Variants in SUSD6 observed in about 807,000 individuals in gnomAD.
The protein encoded by SUSD6 is sushi domain containing 6, also known as sushi domain-containing protein 6.
A neutral mutation model predicts 28.4 loss-of-function variants in SUSD6; 16 were observed. That is an observed-to-expected ratio of 0.56 (90% CI 0.38 to 0.86). The LOEUF (loss-of-function observed/expected upper bound fraction) is 0.86, where lower values mean the gene tolerates loss of function less well. SUSD6 is among the 40% of genes least tolerant of loss of function. The probability of loss-of-function intolerance (pLI) is 0.00; values close to 1 mark genes in which losing one functional copy is unlikely to be tolerated. For missense variants in SUSD6, 341 were observed against 384.2 expected (o/e 0.89, Z 0.94); for synonymous variants, 147 against 159.6 (o/e 0.92, Z 0.59).
rs140130465 is a variant in SUSD6 at position 69,619,399 on chromosome 14, G to A, written c.-81+7571G>A. Among the ~76,000 whole-genome samples, 847 of 152,146 alleles carry A rather than the reference G, an allele frequency of 5.6e-3. 10 individuals are homozygous for A. Among genetic ancestry groups the A allele is most frequent in the African/African-American group, 0.019 (796 of 41,484 alleles). On this transcript the variant is annotated intron_variant, in intron 1 of 5. Coordinates refer to ENST00000342745, the MANE Select transcript of SUSD6 (RefSeq NM_014734.4). Reference sequence around the variant, plus strand: ...AAACTTGCTTTCACTTTAAAAAATCGGTGTAGTTGTGTTTAGGCTGTGCCT... The same window carrying A: ...AAACTTGCTTTCACTTTAAAAAATCAGTGTAGTTGTGTTTAGGCTGTGCCT...
chr14:69,648,755 C>A (rs978348230), intron 1 of SUSD6, among the ~76,000 whole-genome samples: 4 of 152,160 alleles, frequency 2.6e-5, no homozygotes, highest in Non-Finnish European at 5.9e-5. Context: ...TCCTGCATAG[C>A]TGTAAGTACT....
intron 2 of SUSD6, 96 bp from the exon 3 acceptor site, chr14:69,703,299 G>C: frequency 2.1e-6 from 2 of 948,096 alleles, no homozygotes; most frequent in Non-Finnish European, 3.2e-6. Flanking sequence ...TCCTCCTCCT[G>C]TGTTTCCTGT....
chr14:69,656,234 C>T (rs1462090471), intron 1 of SUSD6, among the ~76,000 whole-genome samples: 1 of 151,608 alleles, frequency 6.6e-6, no homozygotes, highest in Non-Finnish European at 1.5e-5. Flanking sequence ...GCATCACCTC[C>T]TCTAGGCAGT....
chr14:69,703,745 T>G (rs916947007), intron 3 of SUSD6, 153 bp downstream of exon 3: 5 of 679,958 alleles, frequency 7.4e-6, no homozygotes, highest in African/African-American at 7.2e-5. Flanking sequence ...GGTCTTCATG[T>G]CTTTGTGGAA....
intron 2 of SUSD6, among the ~76,000 whole-genome samples, chr14:69,685,277 G>A (rs1049227417): frequency 1.3e-5 from 2 of 152,206 alleles, no homozygotes; most frequent in African/African-American, 4.8e-5. Context: ...GAGCCATGAG[G>A]CACATTGATT....
At chr14:69,678,182 A>T (rs1885942441) in intron 2 of SUSD6, among the ~76,000 whole-genome samples, 1 of 152,120 alleles carries the variant, frequency 6.6e-6, no homozygotes, top group Non-Finnish European at 1.5e-5. Flanking sequence ...TTGGGAAAAA[A>T]AAAAAGTATG....
chr14:69,618,345 T>C (rs1884988792), intron 1 of SUSD6, among the ~76,000 whole-genome samples: 1 of 152,222 alleles, frequency 6.6e-6, no homozygotes, highest in Non-Finnish European at 1.5e-5. Flanking sequence ...TATACAAATA[T>C]TCGAAAATCT....
intron 2 of SUSD6, chr14:69,670,590 G>A: frequency 2.2e-6 from 1 of 446,682 alleles, no homozygotes; most frequent in South Asian, 1.6e-5. Context: ...ACGCTGGTTT[G>A]AATCCTAGTT....
intron 1 of SUSD6, among the ~76,000 whole-genome samples, chr14:69,615,163 G>T (rs1884940833): frequency 6.6e-6 from 1 of 152,190 alleles, no homozygotes. Context: ...TTGAGGATTA[G>T]GACATTTGGT....
chr14:69,654,992 A>G (rs1885560468), intron 1 of SUSD6, among the ~76,000 whole-genome samples: 1 of 151,642 alleles, frequency 6.6e-6, no homozygotes, highest in Non-Finnish European at 1.5e-5. Flanking sequence ...ACGGGGTTTC[A>G]CCGTTTTGGC....
intron 5 of SUSD6, among the ~76,000 whole-genome samples, chr14:69,710,405 G>C (rs1886446389): frequency 6.6e-6 from 1 of 152,198 alleles, no homozygotes; most frequent in South Asian, 2.1e-4. Context: ...AGAAATAATA[G>C]AACCAGGAAT....
chr14:69,677,812 T>C (rs1181050808), intron 2 of SUSD6, among the ~76,000 whole-genome samples: 2 of 152,338 alleles, frequency 1.3e-5, no homozygotes, highest in East Asian at 3.9e-4. Flanking sequence ...CCAAATACCC[T>C]GTTAAGAAGT....
At chr14:69,658,814 T>G in intron 2 of SUSD6, 101 bp downstream of exon 2, 1 of 1,505,662 alleles carries the variant, frequency 6.6e-7, no homozygotes, top group Non-Finnish European at 9.2e-7. Context: ...GCAGGCGGTT[T>G]CAGGGAGAGC....
intron 2 of SUSD6, among the ~76,000 whole-genome samples, chr14:69,660,541 G>T (rs967514768): frequency 5.9e-5 from 9 of 152,230 alleles, no homozygotes; most frequent in African/African-American, 2.2e-4. Context: ...CTTTCATAGG[G>T]TCACCCCAAA....
chr14:69,659,126 T>C (rs1885626948), intron 2 of SUSD6, among the ~76,000 whole-genome samples: 1 of 152,224 alleles, frequency 6.6e-6, no homozygotes, highest in South Asian at 2.1e-4. Flanking sequence ...AGCTGCAGAA[T>C]GGGATAATAA....
At chr14:69,666,146 A>C (rs893434224) in intron 2 of SUSD6, among the ~76,000 whole-genome samples, 2 of 152,190 alleles carry the variant, frequency 1.3e-5, no homozygotes, top group African/African-American at 4.8e-5. Flanking sequence ...GTGCATACTG[A>C]GTAGAGTTAG....
At chr14:69,650,959 G>T (rs1885495783) in intron 1 of SUSD6, among the ~76,000 whole-genome samples, 1 of 152,226 alleles carries the variant, frequency 6.6e-6, no homozygotes, top group Non-Finnish European at 1.5e-5. Context: ...TGCTCAGTCA[G>T]AACAATGAGG....
intron 1 of SUSD6, among the ~76,000 whole-genome samples, chr14:69,630,082 CAT>C (rs897423671): frequency 1.3e-5 from 2 of 152,194 alleles, no homozygotes; most frequent in Admixed American, 1.3e-4. Context: ...TAAAAGCTAA[CAT>C]ATATTGAATG....
chr14:69,693,258 C>T (rs1003177167), intron 2 of SUSD6, among the ~76,000 whole-genome samples: 2 of 152,142 alleles, frequency 1.3e-5, no homozygotes, highest in Admixed American at 1.3e-4. Flanking sequence ...TGGCCTGCCC[C>T]TCCTTGTAGC....
Sources: allele counts gnomAD v4.1 joint callset (sites outside exome capture counted in the v4.1 genomes callset), GRCh38; gene constraint gnomAD v4.1.1; transcripts MANE v1.5; gene names NCBI Gene and HGNC (gene_info 2026-07-23, HGNC 2026-07-21).